ARHGAP6: variants seen among roughly 807,000 people sequenced by gnomAD.
The protein encoded by ARHGAP6 is Rho GTPase activating protein 6.
Under a neutral mutation model 55.7 loss-of-function variants are expected in ARHGAP6, and 16 were observed. The ratio of observed to expected loss-of-function variants is 0.29; its 90% CI spans 0.19 to 0.44. The LOEUF is 0.44. Among genes scored for constraint, ARHGAP6 ranks in the 20% least tolerant of loss-of-function variants. ARHGAP6 has a pLI of 1.00. For missense variants in ARHGAP6, 698 were observed against 808.9 expected (o/e 0.86, Z 1.66); for synonymous variants, 382 against 360.9 (o/e 1.06, Z -0.66).
At chrX:11,409,417 C>G (rs2049653060) in intron 1 of ARHGAP6, among the ~76,000 whole-genome samples, 1 of 111,946 alleles carries the variant, frequency 8.9e-6, no homozygotes, top group African/African-American at 3.3e-5. Flanking sequence ...CACATGTCCT[C>G]TGGCCTCTCC....
chrX:11,422,268 A>G (rs1234328736), intron 1 of ARHGAP6, among the ~76,000 whole-genome samples: 1 of 111,111 alleles, frequency 9.0e-6, no homozygotes, highest in East Asian at 2.8e-4. Flanking sequence ...AAAAAAAAAA[A>G]GCCTATCACA....
intron 1 of ARHGAP6, among the ~76,000 whole-genome samples, chrX:11,604,086 G>A (rs982483062): frequency 4.5e-5 from 5 of 111,353 alleles, no homozygotes; most frequent in African/African-American, 1.6e-4. Flanking sequence ...GAGACCAGAG[G>A]ACAAGCCTAA....
Position 11,137,699 on chromosome X carries a change from A to T in ARHGAP6, c.*1164T>A, listed in dbSNP as rs1157143710. 1 of 112,105 alleles carries T rather than the reference A, an allele frequency of 8.9e-6. No individual in the cohort carries two copies. Among genetic ancestry groups the T allele is most frequent in the African/African-American group, 3.3e-5 (1 of 30,689 alleles). 9.2% of individuals were successfully genotyped at this position (112,105 alleles called of 1,213,427 possible). On this transcript the variant is annotated 3_prime_UTR_variant, in exon 13 of 13. Coordinates refer to ENST00000337414, the MANE Select transcript of ARHGAP6 (RefSeq NM_013427.3). ...ACTTTCCCTTCAGAAGTGAAAAAAA[A>T]TTGCATAAAATACTGAAGCGTATCG...
intron 1 of ARHGAP6, among the ~76,000 whole-genome samples, chrX:11,381,322 T>G (rs1356217421): frequency 8.9e-6 from 1 of 112,486 alleles, no homozygotes; most frequent in Non-Finnish European, 1.9e-5. Context: ...AATATCTATC[T>G]CTATGATCAT....
At chrX:11,432,570 G>A (rs1490750689) in intron 1 of ARHGAP6, among the ~76,000 whole-genome samples, 1 of 112,538 alleles carries the variant, frequency 8.9e-6, no homozygotes, top group Non-Finnish European at 1.9e-5. Context: ...TTACACTATT[G>A]TATAAACAGA....
At chrX:11,353,888 G>A (rs1335093753) in intron 1 of ARHGAP6, among the ~76,000 whole-genome samples, 1 of 110,865 alleles carries the variant, frequency 9.0e-6, no homozygotes, top group Non-Finnish European at 1.9e-5. Context: ...GATTTTTAAT[G>A]AGCTAACAAT....
rs554446034 is a variant in ARHGAP6 at position 11,359,608 on chromosome X, G to A, written c.589-104901C>T. ...TCTTTGCACAAGCATTATTAAGCCA[G>A]AGCAAACACATTCAAAAGCTAGCAG... On this transcript the variant is annotated intron_variant, in intron 1 of 12. Coordinates refer to ENST00000337414, the MANE Select transcript of ARHGAP6 (RefSeq NM_013427.3). Among the ~76,000 whole-genome samples the A allele has an allele frequency of 5.7e-3, 631 of 111,553 alleles. 1 individual carries two copies. Among genetic ancestry groups the A allele is most frequent in the Middle Eastern group, 0.023 (5 of 217 alleles).
intron 1 of ARHGAP6, chrX:11,351,656 C>T (rs1190958114): frequency 7.5e-6 from 5 of 668,749 alleles, no homozygotes; most frequent in Admixed American, 8.8e-5. Context: ...CAGGCCGGAC[C>T]GTCAGAAGTC....
At chrX:11,427,696 C>T (rs1603201983) in intron 1 of ARHGAP6, 6 of 827,905 alleles carry the variant, frequency 7.2e-6, no homozygotes, top group African/African-American at 4.5e-5. Flanking sequence ...AGCCCCTGGG[C>T]GCGAGCCCTG....
intron 5 of ARHGAP6, among the ~76,000 whole-genome samples, chrX:11,183,881 T>A (rs1319319846): frequency 8.9e-6 from 1 of 112,414 alleles, no homozygotes; most frequent in African/African-American, 3.2e-5. Context: ...ATGGCTCTCC[T>A]TTTTCTATGC....
At position 11,174,518 on chromosome X, in the gene ARHGAP6, TTTCCTTCCTTCC is replaced by T. The variant is rs1183794863; in HGVS notation, c.1629+3570_1629+3581del. ...AAATCCCAAGGCCATTCTTTCTTTC[TTTCCTTCCTTCC>T]TTCCTTCCTTCCTTCCTTCCTTCCT... On this transcript the variant is annotated intron_variant, in intron 8 of 12. Coordinates refer to ENST00000337414, the MANE Select transcript of ARHGAP6 (RefSeq NM_013427.3). Among the ~76,000 whole-genome samples, 180 of 69,546 alleles carry T rather than the reference TTTCCTTCCTTCC, an allele frequency of 2.6e-3. 3 individuals are homozygous for T. Among genetic ancestry groups the T allele is most frequent in the African/African-American group, 4.4e-3 (73 of 16,466 alleles). The allele number at this position is 69,546 out of a possible 115,157, so 60.4% of individuals were successfully genotyped here.
At chrX:11,644,060 G>A (rs1362128231) in intron 1 of ARHGAP6, among the ~76,000 whole-genome samples, 1 of 111,335 alleles carries the variant, frequency 9.0e-6, no homozygotes, top group East Asian at 2.8e-4. Context: ...CAACTTTATC[G>A]TGGTCATAGA....
At chrX:11,494,965 T>G (rs151051485) in intron 1 of ARHGAP6, among the ~76,000 whole-genome samples, 130 of 112,192 alleles carry the variant, frequency 1.2e-3, no homozygotes, top group African/African-American at 4.2e-3. Context: ...ATAAGAGATT[T>G]AAGAATAAGA....
chrX:11,363,639 G>T (rs2049039488), intron 1 of ARHGAP6, among the ~76,000 whole-genome samples: 1 of 112,008 alleles, frequency 8.9e-6, no homozygotes, highest in African/African-American at 3.2e-5. Context: ...TCATCTCCCA[G>T]CTGTGTATGA....
At chrX:11,200,046 T>G (rs911226356) in intron 2 of ARHGAP6, among the ~76,000 whole-genome samples, 6 of 112,640 alleles carry the variant, frequency 5.3e-5, no homozygotes, top group African/African-American at 1.9e-4. Context: ...CTTATGTGCT[T>G]GCAACCATAC....
At chrX:11,608,792 T>C (rs184377154) in intron 1 of ARHGAP6, among the ~76,000 whole-genome samples, 31 of 111,945 alleles carry the variant, frequency 2.8e-4, no homozygotes, top group Admixed American at 4.7e-4. Context: ...TTGCTCTTGC[T>C]GCTGCCATGT....
chrX:11,389,128 C>T (rs776018912), intron 1 of ARHGAP6, among the ~76,000 whole-genome samples: 1 of 111,432 alleles, frequency 9.0e-6, no homozygotes, highest in Admixed American at 9.6e-5. Context: ...GGGGATCGAC[C>T]AGGGACACTG....
intron 1 of ARHGAP6, among the ~76,000 whole-genome samples, chrX:11,515,455 C>T (rs1431688307): frequency 1.8e-5 from 2 of 111,646 alleles, no homozygotes; most frequent in East Asian, 5.6e-4. Flanking sequence ...TGAGTAGCAG[C>T]TATACATTAT....
chrX:11,392,980 T>C (rs1227595221), intron 1 of ARHGAP6, among the ~76,000 whole-genome samples: 1 of 111,644 alleles, frequency 9.0e-6, no homozygotes, highest in Non-Finnish European at 1.9e-5. Context: ...TGGGGGCCCT[T>C]TCTATTTACT....
Sources: allele counts gnomAD v4.1 joint callset (sites outside exome capture counted in the v4.1 genomes callset), GRCh38; gene constraint gnomAD v4.1.1; transcripts MANE v1.5; gene names NCBI Gene and HGNC (gene_info 2026-07-23, HGNC 2026-07-21).